Variants in SORCS1 observed in about 807,000 individuals in gnomAD.
The protein encoded by SORCS1 is VPS10 domain-containing receptor SorCS1.
In SORCS1, 60 loss-of-function variants were observed where a neutral mutation model predicts 146.1. The ratio of observed to expected loss-of-function variants is 0.41; its 90% CI spans 0.33 to 0.51. The LOEUF (loss-of-function observed/expected upper bound fraction) is 0.51, where lower values mean the gene tolerates loss of function less well. Among genes scored for constraint, SORCS1 ranks in the 20% least tolerant of loss-of-function variants. The probability of loss-of-function intolerance (pLI) is 0.21; values close to 1 mark genes in which losing one functional copy is unlikely to be tolerated. For synonymous variants in SORCS1, 637 were observed against 584.0 expected, an observed-to-expected ratio of 1.09 and a Z score of -1.31; for missense variants, 1,352 against 1,487.6, an observed-to-expected ratio of 0.91 and a Z score of 1.50.
intron 2 of SORCS1, among the ~76,000 whole-genome samples, chr10:106,849,758 G>T (rs1029957948): frequency 1.3e-5 from 2 of 151,452 alleles, no homozygotes; most frequent in Non-Finnish European, 2.9e-5. Flanking sequence ...GTACAGATGG[G>T]TTTTCGGTGT....
intron 23 of SORCS1, among the ~76,000 whole-genome samples, chr10:106,603,221 G>T (rs1256765332): frequency 6.6e-6 from 1 of 152,188 alleles, no homozygotes; most frequent in Non-Finnish European, 1.5e-5. Flanking sequence ...GAGCAAGGAA[G>T]TGGGATGCTT....
intron 1 of SORCS1, among the ~76,000 whole-genome samples, chr10:107,107,820 C>A (rs1384486133): frequency 6.6e-6 from 1 of 152,106 alleles, no homozygotes; most frequent in Non-Finnish European, 1.5e-5. Flanking sequence ...TCAGCTATGG[C>A]CCCATTTTCT....
chr10:107,176,027 T>A, the SORCS1 span, among the ~76,000 whole-genome samples: 17 of 152,354 alleles, frequency 1.1e-4, no homozygotes, highest in African/African-American at 4.1e-4. Context: ...TTTCTGCTTA[T>A]ATACACACAT....
intron 24 of SORCS1, among the ~76,000 whole-genome samples, chr10:106,596,620 A>T (rs1188678899): frequency 6.6e-6 from 1 of 152,156 alleles, no homozygotes; most frequent in Non-Finnish European, 1.5e-5. Flanking sequence ...TCCAGGTTCA[A>T]TTCCTGGGTG....
chr10:107,033,748 CCTT>C (rs1465844233), intron 1 of SORCS1, among the ~76,000 whole-genome samples: 1 of 152,172 alleles, frequency 6.6e-6, no homozygotes, highest in African/African-American at 2.4e-5. Flanking sequence ...GTTTTCCCCT[CCTT>C]GAGGCTTATC....
rs558918195 is a variant in SORCS1, at chr10:106,765,749, T to C, written c.886-4088A>G. On this transcript the variant is annotated intron_variant, in intron 4 of 25. Transcript: ENST00000263054. ...CCTTAACATTCACATTTTGGTTAAA[T>C]CCCTAGAAGAGTGACAACTTGCTAC... Among the ~76,000 whole-genome samples the C allele has an allele frequency of 1.4e-4, 21 of 152,028 alleles. No individual in the cohort carries two copies. In the South Asian group the frequency reaches 2.7e-3, roughly 20 times the overall value.
At chr10:107,098,405 C>T (rs1964680012) in intron 1 of SORCS1, among the ~76,000 whole-genome samples, 2 of 152,188 alleles carry the variant, frequency 1.3e-5, no homozygotes, top group Non-Finnish European at 2.9e-5. Context: ...TGTCCTGATG[C>T]AGACTGGTGA....
chr10:106,984,457 G>C (rs1202016859), intron 1 of SORCS1, among the ~76,000 whole-genome samples: 3 of 149,416 alleles, frequency 2.0e-5, no homozygotes, highest in Non-Finnish European at 4.4e-5. Flanking sequence ...GCAGTGGTGC[G>C]ATCTCGGCTC....
chr10:106,745,152 T>A (rs1345808457), intron 5 of SORCS1, among the ~76,000 whole-genome samples: 1 of 151,304 alleles, frequency 6.6e-6, no homozygotes, highest in East Asian at 1.9e-4. Context: ...GGTGCGGTGG[T>A]TCACACCTGT....
At chr10:106,850,669 T>C (rs1182861180) in intron 2 of SORCS1, among the ~76,000 whole-genome samples, 2 of 152,210 alleles carry the variant, frequency 1.3e-5, no homozygotes, top group Non-Finnish European at 2.9e-5. Context: ...AGAGCCTCTA[T>C]TTGGTAAGGT....
chr10:106,795,838 G>T (rs1454560385), intron 3 of SORCS1, among the ~76,000 whole-genome samples: 1 of 152,104 alleles, frequency 6.6e-6, no homozygotes, highest in Non-Finnish European at 1.5e-5. Context: ...TGAGATACGG[G>T]GTCCATCTCT....
chr10:107,008,927 G>A (rs757051012), intron 1 of SORCS1, among the ~76,000 whole-genome samples: 2 of 152,244 alleles, frequency 1.3e-5, no homozygotes, highest in Non-Finnish European at 2.9e-5. Flanking sequence ...AATCCGAGAG[G>A]TGGAGGCTGC....
chr10:107,044,538 A>AAT (rs869160679), intron 1 of SORCS1, among the ~76,000 whole-genome samples: 4 of 147,728 alleles, frequency 2.7e-5, no homozygotes, highest in African/African-American at 9.8e-5. Flanking sequence ...AAAAAAAAAA[A>AAT]GTTGGCAGGG....
At chr10:106,833,783 GTTATTA>G (rs34691171) in intron 2 of SORCS1, among the ~76,000 whole-genome samples, 5,716 of 150,374 alleles carry the variant, frequency 0.038, 283 homozygotes, top group East Asian at 0.23. Context: ...TCTTTCTTTT[GTTATTA>G]TTATTATTAT....
intron 3 of SORCS1, among the ~76,000 whole-genome samples, chr10:106,804,367 A>G (rs1947061190): frequency 2.2e-5 from 3 of 133,368 alleles, no homozygotes; most frequent in African/African-American, 8.3e-5. Context: ...ATAAAATAAA[A>G]TAAAATAAAA....
intron 18 of SORCS1, among the ~76,000 whole-genome samples, chr10:106,640,931 T>G (rs1849031779): frequency 6.6e-6 from 1 of 152,244 alleles, no homozygotes; most frequent in Admixed American, 6.5e-5. Flanking sequence ...CTTGGATTAA[T>G]TGTTCTTTAT....
intron 3 of SORCS1, among the ~76,000 whole-genome samples, chr10:106,823,855 C>G (rs1207610122): frequency 6.6e-6 from 1 of 152,166 alleles, no homozygotes; most frequent in Admixed American, 6.5e-5. Context: ...AGACAAGTCA[C>G]TAAACTCTCT....
chr10:106,974,039 C>G (rs1276600279), intron 1 of SORCS1, among the ~76,000 whole-genome samples: 2 of 152,054 alleles, frequency 1.3e-5, no homozygotes, highest in African/African-American at 4.8e-5. Context: ...CTTTTTCTTC[C>G]ATTTACAAGG....
chr10:106,652,309 G>T, intron 18 of SORCS1, 73 bp downstream of exon 18: 1 of 1,412,574 alleles, frequency 7.1e-7, no homozygotes, highest in Non-Finnish European at 9.4e-7. Context: ...AAAAGATATG[G>T]AAACAAAACC....
Sources: gnomAD v4.1 joint callset for allele counts (sites outside exome capture counted in the v4.1 genomes callset) on GRCh38, gnomAD v4.1.1 for gene constraint, MANE v1.5 for transcripts, NCBI Gene and HGNC (gene_info 2026-07-23, HGNC 2026-07-21) for gene names.